TRHDE: variants seen among roughly 807,000 people sequenced by gnomAD.
TRHDE encodes the protein thyrotropin releasing hormone degrading enzyme, also known as thyrotropin-releasing hormone-degrading ectoenzyme.
Under a neutral mutation model 125.7 loss-of-function variants are expected in TRHDE, and 72 were observed. That is an observed-to-expected ratio of 0.57 (90% CI 0.47 to 0.70). The LOEUF (loss-of-function observed/expected upper bound fraction) is 0.70, where lower values mean the gene tolerates loss of function less well. TRHDE is among the 30% of genes least tolerant of loss of function. The pLI is 0.00. For missense variants in TRHDE, 1,110 were observed against 1,327.1 expected (o/e 0.84, Z 2.54); for synonymous variants, 509 against 509.1 (o/e 1.00, Z 0.00).
At chr12:72,506,780 T>C (rs541393192) in intron 6 of TRHDE, among the ~76,000 whole-genome samples, 1 of 152,306 alleles carries the variant, frequency 6.6e-6, no homozygotes, top group Admixed American at 6.5e-5. Flanking sequence ...GGATATCTTG[T>C]CTCTGCTATC....
At chr12:72,230,627 T>C (rs1878229159) in intron 2 of TRHDE, among the ~76,000 whole-genome samples, 1 of 151,998 alleles carries the variant, frequency 6.6e-6, no homozygotes, top group Admixed American at 6.6e-5. Flanking sequence ...TAAACTGATA[T>C]TTTAACAAAT....
chr12:72,593,896 T>G (rs1260555389), intron 12 of TRHDE, among the ~76,000 whole-genome samples: 1 of 152,230 alleles, frequency 6.6e-6, no homozygotes, highest in Non-Finnish European at 1.5e-5. Flanking sequence ...GTGCCTCATT[T>G]TCTTAATCCA....
At chr12:72,465,854 T>C (rs1220684895) in intron 3 of TRHDE, among the ~76,000 whole-genome samples, 3 of 152,228 alleles carry the variant, frequency 2.0e-5, no homozygotes, top group African/African-American at 7.2e-5. Flanking sequence ...GTTAGTAGCA[T>C]ACAATGTTTT....
intron 6 of TRHDE, among the ~76,000 whole-genome samples, chr12:72,501,414 A>G (rs1878149612): frequency 6.6e-6 from 1 of 152,072 alleles, no homozygotes; most frequent in Non-Finnish European, 1.5e-5. Context: ...TGTTGACTCA[A>G]TTCAATGCTT....
At chr12:72,098,416 A>C (rs1187718367) in intron 1 of TRHDE, among the ~76,000 whole-genome samples, 1 of 149,666 alleles carries the variant, frequency 6.7e-6, no homozygotes. Context: ...CTTTTTAAAC[A>C]TTTTTTTTTT....
chr12:72,387,814 C>G (rs1408407689), intron 3 of TRHDE, among the ~76,000 whole-genome samples: 2 of 152,158 alleles, frequency 1.3e-5, no homozygotes, highest in South Asian at 4.1e-4. Flanking sequence ...TTCTCATTCT[C>G]TCTTGCCTGC....
chr12:72,564,665 T>TA (rs1870349728), intron 9 of TRHDE, among the ~76,000 whole-genome samples: 1 of 111,508 alleles, frequency 9.0e-6, no homozygotes, highest in Non-Finnish European at 1.9e-5. Flanking sequence ...TTTTTTTTTT[T>TA]TTTTTTTTTT....
At chr12:72,560,803 G>A (rs774537586) in intron 7 of TRHDE, 9 of 152,210 alleles carry the variant, frequency 5.9e-5, no homozygotes, top group Non-Finnish European at 1.3e-4. Flanking sequence ...TCCAGCCTGA[G>A]TGACAGAGTG....
intron 2 of TRHDE, among the ~76,000 whole-genome samples, chr12:72,377,209 A>G (rs999646379): frequency 1.3e-5 from 2 of 152,136 alleles, no homozygotes; most frequent in African/African-American, 4.8e-5. Context: ...GAAAGATGCT[A>G]GATAGCTTTA....
intron 1 of TRHDE, among the ~76,000 whole-genome samples, chr12:72,102,051 C>T (rs184975857): frequency 8.0e-4 from 122 of 152,216 alleles, no homozygotes; most frequent in Admixed American, 5.3e-3. Context: ...AAGGGCCTCT[C>T]GATGGAACAC....
At chr12:72,398,041 T>A (rs988198929) in intron 3 of TRHDE, among the ~76,000 whole-genome samples, 1 of 134,254 alleles carries the variant, frequency 7.4e-6, no homozygotes, top group Non-Finnish European at 1.7e-5. Flanking sequence ...TGTCCATGTG[T>A]TCTCATTGTT....
At chr12:72,160,101 T>G (rs1436335911) in intron 2 of TRHDE, among the ~76,000 whole-genome samples, 2 of 152,208 alleles carry the variant, frequency 1.3e-5, no homozygotes, top group Admixed American at 6.5e-5. Context: ...TGATGTTCCT[T>G]TCTTCTTTTT....
chr12:72,310,180 AC>A (rs1868475094), intron 2 of TRHDE, among the ~76,000 whole-genome samples: 1 of 152,126 alleles, frequency 6.6e-6, no homozygotes, highest in East Asian at 1.9e-4. Context: ...AAGTTACATA[AC>A]CCCTCTATGT....
At chr12:72,105,261 G>T (rs1293193298) in intron 1 of TRHDE, among the ~76,000 whole-genome samples, 4 of 152,148 alleles carry the variant, frequency 2.6e-5, no homozygotes, top group Non-Finnish European at 5.9e-5. Flanking sequence ...GTGGGGCATG[G>T]CTCAAGTGGT....
intron 12 of TRHDE, among the ~76,000 whole-genome samples, chr12:72,602,963 T>C (rs140017355): frequency 7.9e-5 from 12 of 152,110 alleles, no homozygotes; most frequent in Admixed American, 2.6e-4. Context: ...CTTAGAATGG[T>C]AGAAAAATAC....
intron 7 of TRHDE, among the ~76,000 whole-genome samples, chr12:72,552,233 G>A (rs1869713119): frequency 6.6e-6 from 1 of 151,866 alleles, no homozygotes. Flanking sequence ...ACCAAGAAAG[G>A]GATTGGGCAA....
At chr12:72,612,674 G>A (rs7309651) in intron 12 of TRHDE, among the ~76,000 whole-genome samples, 61,659 of 151,692 alleles carry the variant, frequency 0.41, 14,513 homozygotes, top group African/African-American at 0.65. Flanking sequence ...AATTTAGACC[G>A]TCTTTTCATA....
intron 2 of TRHDE, among the ~76,000 whole-genome samples, chr12:72,337,530 G>A (rs1592553449): frequency 6.6e-6 from 1 of 152,152 alleles, no homozygotes; most frequent in Non-Finnish European, 1.5e-5. Flanking sequence ...TACCTTGGTG[G>A]TATTTATAGA....
intron 6 of TRHDE, among the ~76,000 whole-genome samples, chr12:72,522,109 A>G (rs1868262045): frequency 6.6e-6 from 1 of 152,172 alleles, no homozygotes; most frequent in Non-Finnish European, 1.5e-5. Flanking sequence ...CATTTTACAG[A>G]TGAGGACACT....
Sources: gnomAD v4.1 joint callset for allele counts (sites outside exome capture counted in the v4.1 genomes callset) on GRCh38, gnomAD v4.1.1 for gene constraint, MANE v1.5 for transcripts, NCBI Gene and HGNC (gene_info 2026-07-23, HGNC 2026-07-21) for gene names.